Variants in ADAMTS17 observed in about 807,000 individuals in gnomAD.
ADAMTS17 encodes A disintegrin and metalloproteinase with thrombospondin motifs 17.
A neutral mutation model predicts 141.5 loss-of-function variants in ADAMTS17; 113 were observed. The observed-to-expected ratio is 0.80, with a 90% CI of 0.69 to 0.93. The LOEUF (loss-of-function observed/expected upper bound fraction) is 0.93, where lower values mean the gene tolerates loss of function less well. ADAMTS17 is among the 40% of genes least tolerant of loss of function. The probability of loss-of-function intolerance (pLI) is 0.00; values close to 1 mark genes in which losing one functional copy is unlikely to be tolerated. For synonymous variants in ADAMTS17, 768 were observed against 630.6 expected, an observed-to-expected ratio of 1.22 and a Z score of -3.27; for missense variants, 1,659 against 1,517.9, an observed-to-expected ratio of 1.09 and a Z score of -1.54.
chr15:100,341,444 G>GGCCCGCCCGGAC, intron 1 of ADAMTS17, 35 bp from the exon 2 acceptor site: 1 of 1,010,758 alleles, frequency 9.9e-7, no homozygotes, highest in Non-Finnish European at 1.2e-6. Flanking sequence ...AGCGCGGCGG[G>GGCCCGCCCGGAC]GCCCGCCCGG....
At chr15:100,154,852 C>T (rs2039354388) in intron 9 of ADAMTS17, among the ~76,000 whole-genome samples, 1 of 152,198 alleles carries the variant, frequency 6.6e-6, no homozygotes, top group African/African-American at 2.4e-5. Flanking sequence ...CCGCAGCGGC[C>T]CAGGGGCGCC....
chr15:100,255,014 G>GA (rs35659824), intron 6 of ADAMTS17, among the ~76,000 whole-genome samples: 18 of 150,698 alleles, frequency 1.2e-4, no homozygotes, highest in Non-Finnish European at 1.5e-4. Flanking sequence ...AAAGGTGAAG[G>GA]AAAAAAAAAA....
chr15:100,012,204 G>A (rs551455717), intron 18 of ADAMTS17, among the ~76,000 whole-genome samples: 2 of 152,166 alleles, frequency 1.3e-5, no homozygotes, highest in African/African-American at 4.8e-5. Flanking sequence ...TTTGAGAACT[G>A]TCTATTCATG....
chr15:100,212,562 A>ATT (rs2041842555), intron 7 of ADAMTS17, among the ~76,000 whole-genome samples: 1 of 152,142 alleles, frequency 6.6e-6, no homozygotes, highest in Non-Finnish European at 1.5e-5. Flanking sequence ...AACACTAAAC[A>ATT]CAGGAATCCC....
At chr15:100,306,016 T>C (rs2045210880) in intron 3 of ADAMTS17, 1 of 156,892 alleles carries the variant, frequency 6.4e-6, no homozygotes, top group African/African-American at 2.4e-5. Flanking sequence ...CTAGGCCCAA[T>C]GCCCACAGTT....
intron 14 of ADAMTS17, among the ~76,000 whole-genome samples, chr15:100,101,038 C>A (rs2036067978): frequency 6.6e-6 from 1 of 152,190 alleles, no homozygotes. Flanking sequence ...GATCGCTTCA[C>A]TCCTCTGCAT....
chr15:100,101,108 T>G (rs968205108), intron 14 of ADAMTS17, among the ~76,000 whole-genome samples: 2 of 152,220 alleles, frequency 1.3e-5, no homozygotes, highest in African/African-American at 4.8e-5. Flanking sequence ...GTTGCTGGAA[T>G]GCACCCATCT....
intron 3 of ADAMTS17, among the ~76,000 whole-genome samples, chr15:100,289,702 T>C (rs1279020750): frequency 4.6e-5 from 7 of 152,190 alleles, no homozygotes; most frequent in Non-Finnish European, 1.0e-4. Context: ...GATGCAAGGT[T>C]GGTTCAACAT....
At chr15:100,074,745 T>C (rs74037350) in intron 15 of ADAMTS17, among the ~76,000 whole-genome samples, 1 of 152,130 alleles carries the variant, frequency 6.6e-6, no homozygotes, top group African/African-American at 2.4e-5. Flanking sequence ...TTAGGAGTAT[T>C]TCTATGCTTC....
intron 15 of ADAMTS17, among the ~76,000 whole-genome samples, chr15:100,088,553 C>G (rs1196728926): frequency 1.3e-5 from 2 of 152,008 alleles, no homozygotes; most frequent in Non-Finnish European, 2.9e-5. Flanking sequence ...GCCAAAAGAA[C>G]AAAGCTGGAG....
chr15:100,216,003 G>C (rs763034116), intron 7 of ADAMTS17, among the ~76,000 whole-genome samples: 2 of 152,196 alleles, frequency 1.3e-5, no homozygotes, highest in African/African-American at 4.8e-5. Context: ...GCCACAGGGA[G>C]ATTTCTCTTT....
chr15:100,317,290 G>A (rs951024142), intron 3 of ADAMTS17, among the ~76,000 whole-genome samples: 6 of 152,166 alleles, frequency 3.9e-5, no homozygotes, highest in Non-Finnish European at 7.3e-5. Flanking sequence ...AATGGCAAAC[G>A]TAGTAATGAT....
At chr15:100,109,794 G>C (rs1335269283) in intron 13 of ADAMTS17, among the ~76,000 whole-genome samples, 2 of 152,078 alleles carry the variant, frequency 1.3e-5, no homozygotes, top group Non-Finnish European at 2.9e-5. Flanking sequence ...CCTTTGCCCG[G>C]TGTGCGCTCT....
chr15:100,265,138 G>A (rs1178818769), intron 4 of ADAMTS17, among the ~76,000 whole-genome samples: 1 of 152,160 alleles, frequency 6.6e-6, no homozygotes, highest in Admixed American at 6.5e-5. Flanking sequence ...CAAGCACTTT[G>A]TCACCTGCCA....
intron 2 of ADAMTS17, among the ~76,000 whole-genome samples, chr15:100,337,472 T>C (rs2046241538): frequency 6.6e-6 from 1 of 152,164 alleles, no homozygotes; most frequent in East Asian, 1.9e-4. Context: ...TCCTTCAAGG[T>C]GGCCTGGAAC....
intron 3 of ADAMTS17, among the ~76,000 whole-genome samples, chr15:100,301,967 G>C (rs1400786422): frequency 6.6e-6 from 1 of 152,098 alleles, no homozygotes; most frequent in Admixed American, 6.5e-5. Context: ...AGCATATACA[G>C]TTGTTTTCAG....
rs142282325 is a variant in ADAMTS17, at chr15:100,218,330, T to C, written c.1076-18907A>G. On this transcript the variant is annotated intron_variant, in intron 7 of 21. Coordinates refer to ENST00000268070, the MANE Select transcript of ADAMTS17 (RefSeq NM_139057.4). ...ACAATTATGGTTTGTCATTTAAAAA[T>C]AAAATTCTTGGGAAGAATCCAACAC... is the stretch of plus-strand genomic sequence containing the variant. Among the ~76,000 whole-genome samples the C allele has an allele frequency of 2.7e-3, 417 of 152,304 alleles. 4 individuals are homozygous for C. Among genetic ancestry groups the C allele is most frequent in the Non-Finnish European group, 3.3e-3 (222 of 68,016 alleles).
intron 13 of ADAMTS17, among the ~76,000 whole-genome samples, chr15:100,110,212 T>C (rs2036674715): frequency 7.4e-6 from 1 of 135,392 alleles, no homozygotes; most frequent in Non-Finnish European, 1.6e-5. Context: ...TATCAGTATA[T>C]ATATATTTTT....
chr15:100,268,379 G>T (rs2043793090), intron 4 of ADAMTS17, among the ~76,000 whole-genome samples: 1 of 152,160 alleles, frequency 6.6e-6, no homozygotes, highest in Non-Finnish European at 1.5e-5. Flanking sequence ...TCTCCAAACT[G>T]CCCTGCACAG....
Sources: gnomAD v4.1 joint callset for allele counts (sites outside exome capture counted in the v4.1 genomes callset) on GRCh38, gnomAD v4.1.1 for gene constraint, MANE v1.5 for transcripts, NCBI Gene and HGNC (gene_info 2026-07-23, HGNC 2026-07-21) for gene names.